Variants in HYDIN observed in about 807,000 individuals in gnomAD.
HYDIN encodes the protein axonemal central pair apparatus protein HYDIN.
In HYDIN, 132 loss-of-function variants were observed where a neutral mutation model predicts 403.9. The observed-to-expected ratio is 0.33, with a 90% confidence interval of 0.28 to 0.38. HYDIN has a LOEUF of 0.38. Among genes scored for constraint, HYDIN ranks in the 10% least tolerant of loss-of-function variants. The pLI is 1.00. For synonymous variants in HYDIN, 1,202 were observed against 1,891.7 expected, an observed-to-expected ratio of 0.64 and a Z score of 9.46; for missense variants, 2,827 against 5,009.5, an observed-to-expected ratio of 0.56 and a Z score of 13.15.
chr16:71,194,299 T>C (rs985290969), intron 1 of HYDIN, among the ~76,000 whole-genome samples: 6 of 152,088 alleles, frequency 3.9e-5, no homozygotes, highest in South Asian at 2.1e-4. Context: ...TAATCCCAGC[T>C]ACTCAGGGGG....
rs1181846451 is a variant in HYDIN at position 71,230,548 on chromosome 16, CGAG to C, written c.-24+11_-24+13del. On this transcript the variant is annotated intron_variant, in intron 1 of 85. Transcript: ENST00000393567. ...TCACACTTTGACCCCACAATCTCTG[CGAG>C]GACCTCTGACCTTGGTGCACTCCGG... 9 of 1,527,924 alleles carry C rather than the reference CGAG, an allele frequency of 5.9e-6. No homozygotes were observed. Among genetic ancestry groups the C allele is most frequent in the Non-Finnish European group, 7.9e-6 (9 of 1,141,286 alleles). 94.6% of individuals were successfully genotyped at this position (1,527,924 alleles called of 1,614,324 possible). A position where few individuals can be genotyped will look rare whatever the true frequency, so the allele number is the denominator to read the frequency against.
At chr16:70,868,342 C>A (rs1224033786) in intron 66 of HYDIN, among the ~76,000 whole-genome samples, 1 of 145,242 alleles carries the variant, frequency 6.9e-6, no homozygotes, top group African/African-American at 2.8e-5. Flanking sequence ...TGCTCAACTG[C>A]TTATCAAGAC....
At chr16:71,178,789 T>C (rs1175440797) in intron 4 of HYDIN, 139 bp downstream of exon 4, 1 of 745,950 alleles carries the variant, frequency 1.3e-6, no homozygotes, top group East Asian at 2.7e-5. Flanking sequence ...AAGTTTACAA[T>C]CAAAGAAGAT....
intron 73 of HYDIN, among the ~76,000 whole-genome samples, chr16:70,853,700 G>C (rs1273661072): frequency 7.1e-6 from 1 of 140,718 alleles, no homozygotes; most frequent in Non-Finnish European, 1.5e-5. Flanking sequence ...TGTTGCTTGG[G>C]GGAAGGGAAA....
Position 71,087,687 on chromosome 16 carries a change from A to G in HYDIN, c.1670+614T>C, listed in dbSNP as rs963956760. The G allele has an allele frequency of 8.5e-5, 11 of 129,520 alleles. No individual in the cohort carries two copies. The Admixed American group carries it at 8.9e-4, about 10-fold the overall frequency. The allele number at this position is 129,520 out of a possible 1,614,324, so 8.0% of individuals were successfully genotyped here. A position where few individuals can be genotyped will look rare whatever the true frequency, so the allele number is the denominator to read the frequency against. The stretch of plus-strand genomic sequence containing the variant: ...TCAGTACATTTTCCTTGGATCCTTC[A>G]GGTCATATGTCTCTATCTCTTTTCT... On this transcript the variant is annotated intron_variant, in intron 12 of 85. Transcript: ENST00000393567.
intron 16 of HYDIN, among the ~76,000 whole-genome samples, chr16:71,063,697 T>G (rs2082163145): frequency 6.6e-6 from 1 of 152,170 alleles, no homozygotes; most frequent in African/African-American, 2.4e-5. Context: ...TATTTCTCTC[T>G]TACGTAACAG....
chr16:70,956,611 A>G (rs2078245884), intron 39 of HYDIN, among the ~76,000 whole-genome samples: 1 of 152,168 alleles, frequency 6.6e-6, no homozygotes, highest in African/African-American at 2.4e-5. Context: ...CCATGGAAGT[A>G]GCAGGAGAGA....
intron 39 of HYDIN, among the ~76,000 whole-genome samples, chr16:70,956,716 A>G (rs1168993296): frequency 6.6e-6 from 1 of 152,170 alleles, no homozygotes; most frequent in African/African-American, 2.4e-5. Flanking sequence ...AGAGACAAGG[A>G]AACGGATTGT....
chr16:71,123,136 G>T lies in HYDIN; in HGVS notation c.1227+6504C>A, dbSNP rs373909355. 4.0e-3 allele frequency among the ~76,000 whole-genome samples: 316 copies of T among 79,070 alleles called. 2 individuals are homozygous for T. Among genetic ancestry groups the T allele is most frequent in the Middle Eastern group, 0.013 (3 of 224 alleles). The allele number at this position is 79,070 out of a possible 152,430, so 51.9% of individuals were successfully genotyped here. Reference sequence around the variant, plus strand: ...GCTTGATTCTCTCTTTCTGCCCTATGATACTCTCGGCTTTTCAATTCTCAG... The same window carrying T: ...GCTTGATTCTCTCTTTCTGCCCTATTATACTCTCGGCTTTTCAATTCTCAG... On this transcript the variant is annotated intron_variant, in intron 9 of 85. Coordinates refer to ENST00000393567, the MANE Select transcript of HYDIN (RefSeq NM_001270974.2).
intron 10 of HYDIN, among the ~76,000 whole-genome samples, chr16:71,111,680 A>C (rs900034615): frequency 1.1e-4 from 17 of 152,272 alleles, no homozygotes; most frequent in Admixed American, 2.6e-4. Context: ...ACAGCTATGC[A>C]GCACACTCCT....
At chr16:70,958,230 C>A (rs544401781) in intron 39 of HYDIN, among the ~76,000 whole-genome samples, 2 of 151,872 alleles carry the variant, frequency 1.3e-5, no homozygotes, top group South Asian at 4.2e-4. Flanking sequence ...CTAACTTCAC[C>A]ATAAACAAAA....
intron 13 of HYDIN, among the ~76,000 whole-genome samples, chr16:71,070,325 T>C (rs8044062): frequency 0.45 from 64,886 of 143,504 alleles, 16,494 homozygotes; most frequent in East Asian, 0.72. Context: ...TTCTTTCTTT[T>C]TTTTTTTTTT....
In HYDIN at chr16:70,879,654, T is replaced by A. The variant is rs2040661899; in HGVS notation, c.10318A>T (p.Met3440Leu). Residue 3440 changes from methionine (M) to leucine (L), a missense_variant, in exon 61 of 86, where the codon ATG (methionine) becomes TTG (leucine). Physicochemically the swap from Met to Leu is conservative, Grantham distance 15. Coordinates refer to ENST00000393567, the MANE Select transcript of HYDIN (RefSeq NM_001270974.2). The stretch of plus-strand genomic sequence containing the variant: ...TCAAAGATGCACTGGTAGTTCTGCA[T>A]GATCTGCGGGGTGAAGGACACCGTG... ...FATVSFTPQI[M>L]QNYQCIFEAT... 1.9e-6 allele frequency: 3 copies of A among 1,607,726 alleles called. No individual in the cohort carries two copies. In the Admixed American group the frequency reaches 5.0e-5, roughly 27 times the overall value.
chr16:70,891,464 C>T (rs968290557), intron 57 of HYDIN, among the ~76,000 whole-genome samples, 182 bp downstream of exon 57: 1 of 152,288 alleles, frequency 6.6e-6, no homozygotes, highest in African/African-American at 2.4e-5. Flanking sequence ...GCTGCGATTA[C>T]AGGTGTGAGC....
rs1463285705 is a variant in HYDIN at position 71,184,855 on chromosome 16, G to A, written c.261+10C>T. The A allele has an allele frequency of 1.9e-6, 3 of 1,595,448 alleles. No individual in the cohort carries two copies. Among genetic ancestry groups the A allele is most frequent in the Non-Finnish European group, 2.6e-6 (3 of 1,168,456 alleles). ...CCACTTTATATGTAAGTACGACAGA[G>A]AGCAGCTACCTTCTGATGTGTTGTT... On this transcript the variant is annotated intron_variant, in intron 3 of 85. Transcript: ENST00000393567.
intron 5 of HYDIN, among the ~76,000 whole-genome samples, chr16:71,168,304 A>G (rs578004739): frequency 1.4e-5 from 2 of 143,436 alleles, no homozygotes; most frequent in Non-Finnish European, 3.0e-5. Context: ...AGGCAACAAG[A>G]GCAAAACCCT....
chr16:71,204,386 A>G (rs2088183261), intron 1 of HYDIN, among the ~76,000 whole-genome samples: 1 of 152,160 alleles, frequency 6.6e-6, no homozygotes, highest in Non-Finnish European at 1.5e-5. Flanking sequence ...AGAGAAAGGG[A>G]CCAGTGCTTT....
intron 73 of HYDIN, among the ~76,000 whole-genome samples, chr16:70,851,180 C>T (rs1440480354): frequency 1.8e-4 from 12 of 65,842 alleles, no homozygotes; most frequent in Non-Finnish European, 2.2e-4. Context: ...CAAAAATCGA[C>T]AAGTGGGACC....
At chr16:71,223,246 G>C (rs2040879350) in intron 1 of HYDIN, among the ~76,000 whole-genome samples, 1 of 152,148 alleles carries the variant, frequency 6.6e-6, no homozygotes, top group Non-Finnish European at 1.5e-5. Context: ...TGCAATAATG[G>C]TGCTGGGAAA....
Sources: allele counts gnomAD v4.1 joint callset (sites outside exome capture counted in the v4.1 genomes callset), GRCh38; gene constraint gnomAD v4.1.1; transcripts MANE v1.5; gene names NCBI Gene and HGNC (gene_info 2026-07-23, HGNC 2026-07-21).